Variants in COP1 observed in about 807,000 individuals in gnomAD.
The protein encoded by COP1 is COP1 E3 ubiquitin ligase.
In COP1, 24 loss-of-function variants were observed where a neutral mutation model predicts 101.3. The ratio of observed to expected loss-of-function variants is 0.24; its 90% CI spans 0.17 to 0.33. COP1 has a LOEUF of 0.33. COP1 is among the 10% of genes least tolerant of loss of function. The pLI is 1.00. For missense variants in COP1, 663 were observed against 906.2 expected (o/e 0.73, Z 3.45); for synonymous variants, 347 against 341.9 (o/e 1.01, Z -0.17).
intron 15 of COP1, among the ~76,000 whole-genome samples, chr1:176,005,856 C>G (rs1375963561): frequency 6.6e-6 from 1 of 152,060 alleles, no homozygotes; most frequent in African/African-American, 2.4e-5. Context: ...CTGTAGATGT[C>G]TATTAGGTCC....
At chr1:175,982,328 T>C (rs1207777842) in intron 18 of COP1, 1 of 456,240 alleles carries the variant, frequency 2.2e-6, no homozygotes, top group Admixed American at 2.3e-5. Flanking sequence ...GGTATACAGC[T>C]GACCCTTGGA....
chr1:176,016,302 T>A (rs1665622964), intron 15 of COP1, among the ~76,000 whole-genome samples: 2 of 151,800 alleles, frequency 1.3e-5, no homozygotes, highest in Non-Finnish European at 2.9e-5. Context: ...AAAAGACAAC[T>A]GAGAACTATA....
chr1:176,152,533 C>T (rs1003106961), intron 5 of COP1, among the ~76,000 whole-genome samples: 3 of 151,922 alleles, frequency 2.0e-5, no homozygotes, highest in Admixed American at 1.3e-4. Context: ...CTGCAGCCTC[C>T]GCTCCCCAAG....
intron 9 of COP1, among the ~76,000 whole-genome samples, chr1:176,100,866 C>G (rs1458854027): frequency 6.6e-6 from 1 of 152,034 alleles, no homozygotes; most frequent in Admixed American, 6.5e-5. Context: ...AACACCCCCA[C>G]CCCCCAAGAC....
chr1:176,140,028 CATA>C (rs1037950569), intron 6 of COP1, among the ~76,000 whole-genome samples: 1 of 152,132 alleles, frequency 6.6e-6, no homozygotes, highest in South Asian at 2.1e-4. Context: ...TTGTATGATA[CATA>C]ATAATTGAAA....
At chr1:176,173,127 T>C (rs1443492908) in intron 3 of COP1, among the ~76,000 whole-genome samples, 3 of 151,792 alleles carry the variant, frequency 2.0e-5, no homozygotes, top group Non-Finnish European at 4.4e-5. Flanking sequence ...CTGGCCAACA[T>C]AGTGAAACCC....
intron 15 of COP1, among the ~76,000 whole-genome samples, chr1:176,001,131 A>C (rs943796879): frequency 1.3e-5 from 2 of 152,116 alleles, no homozygotes; most frequent in Non-Finnish European, 2.9e-5. Flanking sequence ...TTAATTTTAC[A>C]TGAACACTCT....
intron 9 of COP1, among the ~76,000 whole-genome samples, chr1:176,112,513 T>G (rs1212101982): frequency 6.6e-6 from 1 of 152,226 alleles, no homozygotes; most frequent in Non-Finnish European, 1.5e-5. Context: ...AATAATCAAT[T>G]AGGGTAACTG....
intron 5 of COP1, among the ~76,000 whole-genome samples, chr1:176,154,600 A>C (rs1693168239): frequency 6.6e-6 from 1 of 152,176 alleles, no homozygotes; most frequent in African/African-American, 2.4e-5. Flanking sequence ...ACATGGACAC[A>C]TAGAGGGGAA....
Position 175,945,076 on chromosome 1 carries a change from T to G in COP1, c.*77A>C. 1 of 1,085,336 alleles carries G rather than the reference T, an allele frequency of 9.2e-7. No homozygotes were observed. The highest frequency in any genetic ancestry group is 1.4e-5 in the South Asian group (1 of 72,804). 67.2% of individuals were successfully genotyped at this position (1,085,336 alleles called of 1,614,324 possible). On this transcript the variant is annotated 3_prime_UTR_variant, in exon 20 of 20. Coordinates refer to ENST00000367669, the MANE Select transcript of COP1 (RefSeq NM_022457.7). Reference sequence around the variant, plus strand: ...CTTTGGGGAGAGACATCACATGACATTTTCTGTTTCTTCTCTCATTGTCAG... The same window carrying G: ...CTTTGGGGAGAGACATCACATGACAGTTTCTGTTTCTTCTCTCATTGTCAG...
chr1:176,150,631 A>G (rs1216311642), intron 5 of COP1, among the ~76,000 whole-genome samples: 1 of 152,248 alleles, frequency 6.6e-6, no homozygotes, highest in Non-Finnish European at 1.5e-5. Context: ...TAACAACTTT[A>G]TACAAAAAGT....
At chr1:176,066,388 G>C (rs990198487) in intron 11 of COP1, among the ~76,000 whole-genome samples, 1 of 152,010 alleles carries the variant, frequency 6.6e-6, no homozygotes, top group Non-Finnish European at 1.5e-5. Flanking sequence ...ACCTGAGAGG[G>C]TACAGAAAAG....
intron 5 of COP1, among the ~76,000 whole-genome samples, chr1:176,156,861 C>T (rs779685933): frequency 6.6e-6 from 1 of 152,018 alleles, no homozygotes; most frequent in Non-Finnish European, 1.5e-5. Context: ...ATAACAGTAA[C>T]ACACTCGTCA....
At chr1:176,062,967 GATAA>G (rs1157944584) in intron 11 of COP1, among the ~76,000 whole-genome samples, 1 of 149,966 alleles carries the variant, frequency 6.7e-6, no homozygotes, top group Non-Finnish European at 1.5e-5. Context: ...ACAGAAAGCA[GATAA>G]ATAGTTGCCT....
chr1:176,042,024 A>C (rs1670639166), intron 14 of COP1, among the ~76,000 whole-genome samples: 1 of 152,138 alleles, frequency 6.6e-6, no homozygotes, highest in Non-Finnish European at 1.5e-5. Context: ...AGGCAAAAGA[A>C]TCGCTTGAAC....
intron 10 of COP1, among the ~76,000 whole-genome samples, chr1:176,082,597 G>A (rs1308784975): frequency 1.3e-5 from 2 of 151,780 alleles, no homozygotes; most frequent in Admixed American, 6.6e-5. Context: ...ACCTGAGGTC[G>A]GGAGTTCGAG....
chr1:176,138,984 T>C (rs1054135599), intron 6 of COP1, among the ~76,000 whole-genome samples: 4 of 152,156 alleles, frequency 2.6e-5, no homozygotes, highest in African/African-American at 9.7e-5. Context: ...AAGAGGTCTT[T>C]AGAATAATTG....
intron 11 of COP1, among the ~76,000 whole-genome samples, chr1:176,050,985 A>G (rs1396115709): frequency 6.6e-6 from 1 of 152,236 alleles, no homozygotes; most frequent in Non-Finnish European, 1.5e-5. Flanking sequence ...ACACAGAATA[A>G]TAATATACAT....
chr1:176,207,215 G>A lies in COP1; in HGVS notation c.-237C>T. The A allele has an allele frequency of 2.5e-6, 1 of 402,346 alleles. No homozygotes were observed. The highest frequency in any genetic ancestry group is 4.4e-6 in the Non-Finnish European group (1 of 229,382). The allele number at this position is 402,346 out of a possible 1,614,324, so 24.9% of individuals were successfully genotyped here. On this transcript the variant is annotated 5_prime_UTR_variant, in exon 1 of 20. Transcript: ENST00000367669. The stretch of plus-strand genomic sequence containing the variant: ...AGAAGGCACTACCGCTGTCGAGGCC[G>A]CCGCCGCCACCGCGGTCCCTGTAGC...
Sources: gnomAD v4.1 joint callset for allele counts (sites outside exome capture counted in the v4.1 genomes callset) on GRCh38, gnomAD v4.1.1 for gene constraint, MANE v1.5 for transcripts, NCBI Gene and HGNC (gene_info 2026-07-23, HGNC 2026-07-21) for gene names.